Variants in SPECC1 observed in about 807,000 individuals in gnomAD.
SPECC1 encodes sperm antigen with calponin homology and coiled-coil domains 1, also known as cytospin-B.
SPECC1 carries 62 observed loss-of-function variants against 104.1 expected under a neutral mutation model. The ratio of observed to expected loss-of-function variants is 0.60; its 90% CI spans 0.49 to 0.74. SPECC1 has a LOEUF of 0.74. SPECC1 is among the 30% of genes least tolerant of loss of function. The probability of loss-of-function intolerance (pLI) is 0.00; values close to 1 mark genes in which losing one functional copy is unlikely to be tolerated. For synonymous variants in SPECC1, 513 were observed against 501.6 expected, an observed-to-expected ratio of 1.02 and a Z score of -0.30; for missense variants, 1,306 against 1,310.5, an observed-to-expected ratio of 1.00 and a Z score of 0.05.
intron 3 of SPECC1, among the ~76,000 whole-genome samples, chr17:20,195,578 G>A (rs1418120398): frequency 7.0e-6 from 1 of 143,872 alleles, no homozygotes; most frequent in Non-Finnish European, 1.5e-5. Context: ...TTTTTTTTGA[G>A]ACGGAGTCTT....
At chr17:20,253,622 C>G (rs780434975) in intron 10 of SPECC1, 36 bp downstream of exon 10, 1 of 1,590,552 alleles carries the variant, frequency 6.3e-7, no homozygotes. Context: ...TTTGACTTAT[C>G]TTTCCGTGCA....
At chr17:20,215,975 A>G (rs2037461984) in intron 4 of SPECC1, among the ~76,000 whole-genome samples, 1 of 152,226 alleles carries the variant, frequency 6.6e-6, no homozygotes, top group Non-Finnish European at 1.5e-5. Context: ...ATTATCTGGT[A>G]TCAAAAAACA....
intron 3 of SPECC1, among the ~76,000 whole-genome samples, chr17:20,120,878 T>C (rs1242812080): frequency 6.6e-6 from 1 of 152,204 alleles, no homozygotes; most frequent in Non-Finnish European, 1.5e-5. Context: ...ATGTAATCTT[T>C]TGGTCGTAAT....
intron 3 of SPECC1, among the ~76,000 whole-genome samples, chr17:20,186,680 C>T (rs1567915597): frequency 6.6e-6 from 1 of 152,230 alleles, no homozygotes; most frequent in African/African-American, 2.4e-5. Context: ...CCTCCCACCT[C>T]AGCCTCTCCT....
At chr17:20,303,807 G>A (rs2041669921) in intron 13 of SPECC1, among the ~76,000 whole-genome samples, 1 of 151,976 alleles carries the variant, frequency 6.6e-6, no homozygotes, top group Non-Finnish European at 1.5e-5. Flanking sequence ...ACAAAAATTA[G>A]CCAGGCGTGG....
chr17:20,163,564 CTT>C lies in SPECC1; in HGVS notation c.284-40756_284-40755del, dbSNP rs779886420. ...CAAAACATTTATATTCTCTCTCTCT[CTT>C]TTTTTTTTTTTTGAGACAGTTTCTG... is the stretch of plus-strand genomic sequence containing the variant. On this transcript the variant is annotated intron_variant, in intron 3 of 14. Coordinates refer to ENST00000395527, the MANE Select transcript of SPECC1 (RefSeq NM_001243439.2). Among the ~76,000 whole-genome samples the C allele has an allele frequency of 9.1e-4, 131 of 143,220 alleles. No individual in the cohort carries two copies. In the East Asian group the frequency reaches 0.016, roughly 18 times the overall value. 94.0% of individuals were successfully genotyped at this position (143,220 alleles called of 152,430 possible).
Position 20,044,233 on chromosome 17 carries a change from C to T in SPECC1, c.-22+34809C>T, listed in dbSNP as rs114803423. Among the ~76,000 whole-genome samples the T allele has an allele frequency of 2.0e-3, 299 of 152,040 alleles. 1 individual carries two copies. The highest frequency in any genetic ancestry group is 6.6e-3 in the African/African-American group (272 of 41,474). On this transcript the variant is annotated intron_variant, in intron 1 of 14. Coordinates refer to ENST00000395527, the MANE Select transcript of SPECC1 (RefSeq NM_001243439.2). ...CTTGTTTCTCTTGCTGAATGGGAAG[C>T]ATTTTATTGGCTTCAGCATGCTAAA...
intron 12 of SPECC1, among the ~76,000 whole-genome samples, chr17:20,296,238 T>C (rs2041346301): frequency 6.6e-6 from 1 of 152,234 alleles, no homozygotes; most frequent in Non-Finnish European, 1.5e-5. Flanking sequence ...TTTCTACATA[T>C]GGCTAGCCAG....
At chr17:20,019,423 A>G (rs2152432010) in intron 1 of SPECC1, among the ~76,000 whole-genome samples, 1 of 149,892 alleles carries the variant, frequency 6.7e-6, no homozygotes, top group South Asian at 2.1e-4. Flanking sequence ...ACACATTTGT[A>G]TTAAGGTGAA....
At chr17:20,311,253 G>A (rs2041923293) in intron 14 of SPECC1, among the ~76,000 whole-genome samples, 1 of 152,010 alleles carries the variant, frequency 6.6e-6, no homozygotes. Context: ...TAAATGCTTT[G>A]GGATTTTTCT....
chr17:20,273,350 C>T (rs965661584), intron 12 of SPECC1, among the ~76,000 whole-genome samples: 2 of 151,996 alleles, frequency 1.3e-5, no homozygotes, highest in South Asian at 2.1e-4. Context: ...TGGTGGTGCA[C>T]GCCTGTAGTC....
intron 7 of SPECC1, chr17:20,236,715 G>A (rs2038936232): frequency 1.3e-6 from 1 of 779,082 alleles, no homozygotes; most frequent in Non-Finnish European, 1.9e-6. Context: ...TGGAACAGTA[G>A]GACTTAAAAT....
intron 13 of SPECC1, among the ~76,000 whole-genome samples, chr17:20,302,212 C>T (rs1448228463): frequency 6.6e-6 from 1 of 152,210 alleles, no homozygotes; most frequent in African/African-American, 2.4e-5. Flanking sequence ...CCCAACGGGC[C>T]CAACCCCTCA....
chr17:20,147,865 A>G (rs1028682660), intron 3 of SPECC1, among the ~76,000 whole-genome samples: 25 of 152,274 alleles, frequency 1.6e-4, no homozygotes, highest in Admixed American at 5.2e-4. Flanking sequence ...GTGAGATCCC[A>G]TATCTATAAA....
At chr17:20,035,940 C>T (rs1321682213) in intron 1 of SPECC1, among the ~76,000 whole-genome samples, 5 of 151,468 alleles carry the variant, frequency 3.3e-5, no homozygotes, top group Admixed American at 6.6e-5. Context: ...TCTCCTGCCT[C>T]AGCCTCCTGA....
intron 1 of SPECC1, among the ~76,000 whole-genome samples, chr17:20,033,876 G>A (rs1360263578): frequency 4.6e-5 from 7 of 152,174 alleles, no homozygotes; most frequent in Middle Eastern, 3.2e-3. Context: ...TCCTCAAGGA[G>A]GTACAGCTTT....
chr17:20,094,027 C>G (rs1242821312), intron 1 of SPECC1, among the ~76,000 whole-genome samples: 1 of 151,790 alleles, frequency 6.6e-6, no homozygotes, highest in Non-Finnish European at 1.5e-5. Flanking sequence ...CACTCCCAGC[C>G]TATATTGTAT....
At chr17:20,053,913 G>A (rs74852506) in intron 1 of SPECC1, among the ~76,000 whole-genome samples, 11,197 of 152,258 alleles carry the variant, frequency 0.074, 552 homozygotes, top group African/African-American at 0.14. Flanking sequence ...CTACACACCA[G>A]TATATAACCA....
intron 1 of SPECC1, among the ~76,000 whole-genome samples, chr17:20,021,535 C>G (rs112283199): frequency 0.011 from 1,716 of 151,748 alleles, 31 homozygotes; most frequent in African/African-American, 0.039. Context: ...GATTTAGACC[C>G]AGGAGTAGGA....
Sources: allele counts gnomAD v4.1 joint callset (sites outside exome capture counted in the v4.1 genomes callset), GRCh38; gene constraint gnomAD v4.1.1; transcripts MANE v1.5; gene names NCBI Gene and HGNC (gene_info 2026-07-23, HGNC 2026-07-21).